The following FGGY variants were observed in gnomAD, a reference collection of about 807,000 sequenced individuals.
FGGY encodes the protein FGGY carbohydrate kinase domain-containing protein.
Under a neutral mutation model 71.3 loss-of-function variants are expected in FGGY, and 72 were observed. The ratio of observed to expected loss-of-function variants is 1.01; its 90% CI spans 0.84 to 1.23. The LOEUF (loss-of-function observed/expected upper bound fraction) is 1.23, where lower values mean the gene tolerates loss of function less well. FGGY is among the 50% of genes most tolerant of loss of function. FGGY has a pLI of 0.00. For missense variants in FGGY, 668 were observed against 682.3 expected, an observed-to-expected ratio of 0.98 and a Z score of 0.23; for synonymous variants, 251 against 250.3, an observed-to-expected ratio of 1.00 and a Z score of -0.02.
At chr1:59,538,867 G>C (rs934827328) in intron 7 of FGGY, among the ~76,000 whole-genome samples, 1 of 107,674 alleles carries the variant, frequency 9.3e-6, no homozygotes, top group African/African-American at 3.5e-5. Context: ...AGGGGGGAGG[G>C]ATAGCATTGG....
chr1:59,527,600 T>G (rs1439962368), intron 7 of FGGY, among the ~76,000 whole-genome samples: 1 of 152,262 alleles, frequency 6.6e-6, no homozygotes, highest in Non-Finnish European at 1.5e-5. Context: ...CAGTCTGAGC[T>G]GCTGAATGTT....
At chr1:59,299,611 T>C in intron 1 of FGGY, among the ~76,000 whole-genome samples, 1 of 152,066 alleles carries the variant, frequency 6.6e-6, no homozygotes, top group Admixed American at 6.6e-5. Flanking sequence ...TCAAATTTTC[T>C]TTTTTCTTCT....
intron 6 of FGGY, among the ~76,000 whole-genome samples, chr1:59,480,292 C>T (rs1470501694): frequency 6.6e-6 from 1 of 152,174 alleles, no homozygotes; most frequent in South Asian, 2.1e-4. Context: ...TTTCATTGAT[C>T]TCTGACCTCA....
At chr1:59,532,089 C>G (rs1206421760) in intron 7 of FGGY, among the ~76,000 whole-genome samples, 1 of 152,092 alleles carries the variant, frequency 6.6e-6, no homozygotes. Flanking sequence ...GACATGAACT[C>G]TAACATATCT....
At chr1:59,535,752 A>G (rs1273628792) in intron 7 of FGGY, among the ~76,000 whole-genome samples, 2 of 149,034 alleles carry the variant, frequency 1.3e-5, no homozygotes, top group Non-Finnish European at 3.0e-5. Context: ...TAACGAAATG[A>G]AGGCAGAAAT....
intron 5 of FGGY, among the ~76,000 whole-genome samples, chr1:59,418,907 G>A (rs1180534223): frequency 6.6e-6 from 1 of 152,174 alleles, no homozygotes; most frequent in African/African-American, 2.4e-5. Flanking sequence ...AAAACTGGCA[G>A]CAGGCACATT....
At chr1:59,590,034 T>A (rs12753197) in intron 8 of FGGY, among the ~76,000 whole-genome samples, 1 of 151,494 alleles carries the variant, frequency 6.6e-6, no homozygotes, top group African/African-American at 2.4e-5. Context: ...AATTGATAGA[T>A]CGCTAGCAAG....
At chr1:59,390,449 A>T (rs537275870) in intron 5 of FGGY, among the ~76,000 whole-genome samples, 2 of 152,130 alleles carry the variant, frequency 1.3e-5, no homozygotes, top group African/African-American at 4.8e-5. Context: ...TGAAGTTTCC[A>T]TTATCAAGTC....
chr1:59,413,960 CA>C (rs1007509004), intron 5 of FGGY, among the ~76,000 whole-genome samples: 1 of 152,180 alleles, frequency 6.6e-6, no homozygotes, highest in East Asian at 1.9e-4. Context: ...GATTTCATCT[CA>C]AAAAAACCCA....
At chr1:59,404,269 C>A (rs1377553570) in intron 5 of FGGY, among the ~76,000 whole-genome samples, 1 of 152,012 alleles carries the variant, frequency 6.6e-6, no homozygotes, top group African/African-American at 2.4e-5. Flanking sequence ...GTGCTTAATA[C>A]CTCAGTGATG....
intron 8 of FGGY, among the ~76,000 whole-genome samples, chr1:59,578,330 C>T (rs1334640278): frequency 2.0e-5 from 3 of 151,972 alleles, no homozygotes; most frequent in Non-Finnish European, 2.9e-5. Flanking sequence ...TTTGGACAGG[C>T]ACCACACCCT....
intron 7 of FGGY, among the ~76,000 whole-genome samples, chr1:59,536,061 A>T (rs974267071): frequency 6.6e-6 from 1 of 151,600 alleles, no homozygotes; most frequent in African/African-American, 2.4e-5. Context: ...TTTTGAAAGG[A>T]TCAACAAAAT....
At position 59,652,326 on chromosome 1, in the gene FGGY, T is replaced by A. The variant is rs2097171302; in HGVS notation, c.1222-7893T>A. Reference sequence around the variant, plus strand: ...CCTTGCTAGATTGGGGAAGTTCTCCTGGATAATATCCTGCAGAGTGTTTTG... The same window carrying A: ...CCTTGCTAGATTGGGGAAGTTCTCCAGGATAATATCCTGCAGAGTGTTTTG... On this transcript the variant is annotated intron_variant, in intron 11 of 15. Coordinates refer to ENST00000303721, the MANE Select transcript of FGGY (RefSeq NM_018291.5). Among the ~76,000 whole-genome samples, 4 of 149,758 alleles carry A rather than the reference T, an allele frequency of 2.7e-5. No individual in the cohort carries two copies. The South Asian group carries it at 8.7e-4, about 33-fold the overall frequency.
At chr1:59,748,927 C>T (rs1341941332) in intron 14 of FGGY, among the ~76,000 whole-genome samples, 2 of 152,172 alleles carry the variant, frequency 1.3e-5, no homozygotes, top group East Asian at 3.9e-4. Flanking sequence ...CTTTCAGCCC[C>T]TCCCCTGACC....
At chr1:59,378,541 T>A (rs2058955786) in intron 4 of FGGY, among the ~76,000 whole-genome samples, 1 of 150,740 alleles carries the variant, frequency 6.6e-6, no homozygotes. Context: ...GAAATTACGA[T>A]CATTTTTGGA....
At chr1:59,469,977 AT>A (rs745459572) in intron 6 of FGGY, among the ~76,000 whole-genome samples, 1 of 152,152 alleles carries the variant, frequency 6.6e-6, no homozygotes, top group South Asian at 2.1e-4. Flanking sequence ...CATGTACCAC[AT>A]TTTCTTTATC....
At chr1:59,562,259 C>T (rs1355105627) in intron 8 of FGGY, among the ~76,000 whole-genome samples, 1 of 152,176 alleles carries the variant, frequency 6.6e-6, no homozygotes, top group Non-Finnish European at 1.5e-5. Context: ...AATAGATCAA[C>T]TCTTGGTGTA....
chr1:59,352,095 C>T (rs549174456), intron 4 of FGGY, among the ~76,000 whole-genome samples: 2 of 152,202 alleles, frequency 1.3e-5, no homozygotes, highest in East Asian at 1.9e-4. Flanking sequence ...TAACCCCCAG[C>T]AGTCTGGCTT....
chr1:59,321,359 G>A (rs1284596584), intron 1 of FGGY, among the ~76,000 whole-genome samples, 177 bp from the exon 2 acceptor site: 1 of 152,210 alleles, frequency 6.6e-6, no homozygotes, highest in African/African-American at 2.4e-5. Flanking sequence ...CACCCACCAT[G>A]TAGCTCAATG....
Sources: gnomAD v4.1 joint callset for allele counts (sites outside exome capture counted in the v4.1 genomes callset) on GRCh38, gnomAD v4.1.1 for gene constraint, MANE v1.5 for transcripts, NCBI Gene and HGNC (gene_info 2026-07-23, HGNC 2026-07-21) for gene names.